The following TLR8 variants were observed in gnomAD, a reference collection of about 807,000 sequenced individuals.
TLR8 encodes toll-like receptor 8.
Under a neutral mutation model 18.5 loss-of-function variants are expected in TLR8, and 5 were observed. That is an observed-to-expected ratio of 0.27 (90% CI 0.14 to 0.57). The LOEUF (loss-of-function observed/expected upper bound fraction) is 0.57. Among genes scored for constraint, TLR8 ranks in the 20% least tolerant of loss-of-function variants. The probability of loss-of-function intolerance (pLI) is 0.92; values close to 1 mark genes in which losing one functional copy is unlikely to be tolerated. For synonymous variants in TLR8, 299 were observed against 300.1 expected (o/e 1.00, Z 0.04); for missense variants, 543 against 769.8 (o/e 0.71, Z 3.49).
intron 1 of TLR8, among the ~76,000 whole-genome samples, chrX:12,916,967 C>G (rs1345684516): frequency 9.0e-6 from 1 of 111,347 alleles, no homozygotes; most frequent in Non-Finnish European, 1.9e-5. Flanking sequence ...TGTTGTGGGG[C>G]CGCTACCTCC....
At chrX:12,912,082 CTCTT>C (rs772191284) in intron 1 of TLR8, among the ~76,000 whole-genome samples, 51 of 98,329 alleles carry the variant, frequency 5.2e-4, no homozygotes, top group South Asian at 2.6e-3. Context: ...CTCTCTCTCT[CTCTT>C]TCTCTCTATT....
intron 1 of TLR8, among the ~76,000 whole-genome samples, chrX:12,910,835 G>A (rs993193320): frequency 7.1e-5 from 8 of 112,269 alleles, no homozygotes; most frequent in South Asian, 3.7e-4. Flanking sequence ...CATGTACTGT[G>A]GACCTAACCA....
chrX:12,908,150 G>C (rs1277194348), intron 1 of TLR8: 1 of 110,823 alleles, frequency 9.0e-6, no homozygotes, highest in East Asian at 2.9e-4. Flanking sequence ...AGACCAGCCC[G>C]GTCAACACGG....
intron 1 of TLR8, among the ~76,000 whole-genome samples, chrX:12,913,975 AT>A (rs2043037567): frequency 8.9e-6 from 1 of 111,886 alleles, no homozygotes; most frequent in African/African-American, 3.2e-5. Context: ...TATTTTTTCA[AT>A]TTTTCTATTG....
At chrX:12,917,042 C>T (rs2043060472) in intron 1 of TLR8, among the ~76,000 whole-genome samples, 1 of 111,466 alleles carries the variant, frequency 9.0e-6, no homozygotes, top group South Asian at 3.7e-4. Context: ...TTCCTTCTGC[C>T]GATAACCAGA....
Position 12,922,228 on chromosome X carries a change from A to C in TLR8, c.*62A>C, listed in dbSNP as rs1341950621. ...TGCAAAGGAATGACATTTCTGTATT[A>C]GTTATCTATTGCTATGTAACAAATT... On this transcript the variant is annotated 3_prime_UTR_variant, in exon 2 of 2. Coordinates refer to ENST00000218032, the MANE Select transcript of TLR8 (RefSeq NM_138636.5). The C allele has an allele frequency of 9.0e-7, 1 of 1,114,995 alleles. No homozygotes were observed. The highest frequency in any genetic ancestry group is 1.2e-6 in the Non-Finnish European group (1 of 840,407). The allele number at this position is 1,114,995 out of a possible 1,213,427, so 91.9% of individuals were successfully genotyped here.
intron 1 of TLR8, among the ~76,000 whole-genome samples, chrX:12,915,580 A>G (rs1390935434): frequency 8.9e-6 from 1 of 112,582 alleles, no homozygotes; most frequent in East Asian, 2.8e-4. Flanking sequence ...GATACTGAGA[A>G]CCTCAACGAC....
chrX:12,922,133 C>T lies in TLR8; in HGVS notation c.3093C>T (p.Asn1031=). ...TGACTGAAAATGATTCACGGTATAA[C>T]AATATGTATGTCGATTCCATTAAGC... The part of the protein sequence containing the change: ...VVLTENDSRY[N]NMYVDSIKQY Residue 1031 remains asparagine (N), a synonymous_variant, in exon 2 of 2, where the codon AAC becomes AAT. Coordinates refer to ENST00000218032, the MANE Select transcript of TLR8 (RefSeq NM_138636.5). 1 of 1,205,506 alleles carries T rather than the reference C, an allele frequency of 8.3e-7. No homozygotes were observed. The highest frequency in any genetic ancestry group is 1.1e-6 in the Non-Finnish European group (1 of 892,051).
At chrX:12,907,217 T>C (rs1481326386) in intron 1 of TLR8, among the ~76,000 whole-genome samples, 1 of 112,611 alleles carries the variant, frequency 8.9e-6, no homozygotes, top group Admixed American at 9.4e-5. Flanking sequence ...TTGCTACTTT[T>C]CTTGGTCAGA....
intron 1 of TLR8, among the ~76,000 whole-genome samples, chrX:12,914,616 C>T (rs2043041960): frequency 9.0e-6 from 1 of 111,612 alleles, no homozygotes; most frequent in East Asian, 2.8e-4. Context: ...CATCCCTCTC[C>T]CTCACAACCT....
In TLR8 at chrX:12,919,490, A is replaced by T. The variant is rs746766277; in HGVS notation, c.450A>T (p.Glu150Asp). Residue 150 changes from glutamate (E) to aspartate (D), a missense_variant, in exon 2 of 2, where the codon GAA becomes GAT. By Grantham distance (45) the Glu-to-Asp change is conservative (BLOSUM62 2). Transcript: ENST00000218032. The stretch of plus-strand genomic sequence containing the variant: ...CTGGTTTGCCAGAGTCTTTGACAGA[A>T]CTTAGTCTAATTCAAAACAATATAT... ...IPSGLPESLT[E>D]LSLIQNNIYN... 25 of 1,208,570 alleles carry T rather than the reference A, an allele frequency of 2.1e-5. No individual in the cohort carries two copies. The South Asian group carries it at 4.4e-4, about 21-fold the overall frequency.
rs113486282 is a variant in TLR8 at position 12,918,968 on chromosome X, G to A, written c.4-76G>A. On this transcript the variant is annotated intron_variant, in intron 1 of 1. Transcript: ENST00000218032. Reference sequence around the variant, plus strand: ...AAAATTCATACAAGTATGGGGCAGCGCTGCTAATTTATTTACAAAACACCT... The same window carrying A: ...AAAATTCATACAAGTATGGGGCAGCACTGCTAATTTATTTACAAAACACCT... 95 of 1,057,423 alleles carry A rather than the reference G, an allele frequency of 9.0e-5. No homozygotes were observed. In the African/African-American group the frequency reaches 1.4e-3, roughly 15 times the overall value. 87.1% of individuals were successfully genotyped at this position (1,057,423 alleles called of 1,213,427 possible).
At position 12,920,993 on chromosome X, in the gene TLR8, G is replaced by A. The variant is rs2407992; in HGVS notation, c.1953G>A (p.Leu651=). Residue 651 remains leucine, a synonymous_variant, in exon 2 of 2, where the codon CTG becomes CTA. Coordinates refer to ENST00000218032, the MANE Select transcript of TLR8 (RefSeq NM_138636.5). ...LTRLDLSLNR[L]KHIPNEAFLN... ...GTCTGGATTTATCCCTTAATAGGCT[G>A]AAGCACATCCCAAATGAAGCATTCC... is the stretch of plus-strand genomic sequence containing the variant. 3 of 1,210,826 alleles carry A rather than the reference G, an allele frequency of 2.5e-6. No homozygotes were observed. Among genetic ancestry groups the A allele is most frequent in the South Asian group, 1.8e-5 (1 of 56,993 alleles).
rs768972500 is a variant in TLR8, at chrX:12,913,217, A to T, written c.4-5827A>T. Among the ~76,000 whole-genome samples the T allele has an allele frequency of 8.0e-5, 9 of 112,043 alleles. No homozygotes were observed. In the South Asian group the frequency reaches 1.5e-3, roughly 18 times the overall value. The stretch of plus-strand genomic sequence containing the variant: ...AGTGAAAGTCATGTTGATAGCATGC[A>T]CCCTTCATATGATATGGCTAGAATG... On this transcript the variant is annotated intron_variant, in intron 1 of 1. Coordinates refer to ENST00000218032, the MANE Select transcript of TLR8 (RefSeq NM_138636.5).
At position 12,922,348 on chromosome X, in the gene TLR8, A is replaced by G; in HGVS notation, c.*182A>G. 1 of 496,640 alleles carries G rather than the reference A, an allele frequency of 2.0e-6. No homozygotes were observed. The highest frequency in any genetic ancestry group is 3.2e-6 in the Non-Finnish European group (1 of 308,360). The allele number at this position is 496,640 out of a possible 1,213,427, so 40.9% of individuals were successfully genotyped here. A position where few individuals can be genotyped will look rare whatever the true frequency, so the allele number is the denominator to read the frequency against. ...CCCAGCATAACTGGGTCCTCTGCTC[A>G]GGGTGTCTCAGAGGCTGCAATGTAG... On this transcript the variant is annotated 3_prime_UTR_variant, in exon 2 of 2. Coordinates refer to ENST00000218032, the MANE Select transcript of TLR8 (RefSeq NM_138636.5).
Position 12,921,738 on chromosome X carries a change from G to A in TLR8, c.2698G>A (p.Glu900Lys), listed in dbSNP as rs2043096881. The change falls in exon 2 of 2, where the codon GAG becomes AAG. Residue 900 changes from glutamate (E) to lysine (K), a missense_variant. This residue lies in a region of TLR8 where 227 missense variants were observed against 312.9 expected (regional missense o/e 0.73). Coordinates refer to ENST00000218032, the MANE Select transcript of TLR8 (RefSeq NM_138636.5). ...CTCTGTTACTGACTGGGTGATAAAT[G>A]AGCTGCGCTACCACCTTGAAGAGAG... ...DASVTDWVIN[E>K]LRYHLEESRD... is the part of the protein sequence containing the mutation. The A allele has an allele frequency of 8.3e-7, 1 of 1,211,166 alleles. No individual in the cohort carries two copies. The highest frequency in any genetic ancestry group is 1.1e-6 in the Non-Finnish European group (1 of 894,977).
intron 1 of TLR8, among the ~76,000 whole-genome samples, chrX:12,908,561 CA>C (rs1304580436): frequency 8.9e-6 from 1 of 112,367 alleles, no homozygotes; most frequent in Non-Finnish European, 1.9e-5. Flanking sequence ...AACCCCAGAT[CA>C]ATGAAACCAA....
intron 1 of TLR8, chrX:12,910,538 G>A (rs2043014019): frequency 2.1e-5 from 20 of 972,766 alleles, no homozygotes; most frequent in Admixed American, 2.8e-5. Context: ...TCACATGGCA[G>A]CGTCCCTACC....
intron 1 of TLR8, among the ~76,000 whole-genome samples, chrX:12,913,100 T>TA (rs983690179): frequency 3.6e-5 from 4 of 112,027 alleles, no homozygotes; most frequent in Non-Finnish European, 7.5e-5. Flanking sequence ...TGGGCCTTTT[T>TA]AAAAAAATAA....
Sources: allele counts gnomAD v4.1 joint callset (sites outside exome capture counted in the v4.1 genomes callset), GRCh38; gene constraint gnomAD v4.1.1; regional missense constraint gnomAD v4.1.1; transcripts MANE v1.5; gene names NCBI Gene and HGNC (gene_info 2026-07-23, HGNC 2026-07-21).